FNTA: variants seen among roughly 807,000 people sequenced by gnomAD.
FNTA encodes the protein farnesyltransferase, CAAX box, subunit alpha.
Under a neutral mutation model 55.2 loss-of-function variants are expected in FNTA, and 27 were observed. The ratio of observed to expected loss-of-function variants is 0.49; its 90% CI spans 0.36 to 0.67. FNTA has a LOEUF of 0.67. Among genes scored for constraint, FNTA ranks in the 30% least tolerant of loss-of-function variants. The probability of loss-of-function intolerance (pLI) is 0.00; values close to 1 mark genes in which losing one functional copy is unlikely to be tolerated. For missense variants in FNTA, 422 were observed against 464.7 expected (o/e 0.91, Z 0.85); for synonymous variants, 176 against 170.7 (o/e 1.03, Z -0.24).
intron 4 of FNTA, among the ~76,000 whole-genome samples, chr8:43,071,028 T>C (rs1810776331): frequency 6.6e-6 from 1 of 152,236 alleles, no homozygotes; most frequent in South Asian, 2.1e-4. Flanking sequence ...GGTAGTATCT[T>C]GTCTTAATCT....
intron 3 of FNTA, among the ~76,000 whole-genome samples, chr8:43,065,790 G>A (rs944794508): frequency 6.6e-5 from 10 of 151,222 alleles, no homozygotes; most frequent in Non-Finnish European, 1.5e-4. Context: ...TCTCTTTCTT[G>A]ATTTACTTTC....
intron 5 of FNTA, 71 bp from the exon 6 acceptor site, chr8:43,077,145 T>A: frequency 1.8e-6 from 2 of 1,125,724 alleles, no homozygotes; most frequent in South Asian, 1.7e-5. Flanking sequence ...TTGTTGTAGT[T>A]TTAATTTATT....
intron 6 of FNTA, chr8:43,082,414 TATTTCAG>T (rs1217642243): frequency 6.6e-6 from 1 of 152,254 alleles, no homozygotes; most frequent in Non-Finnish European, 1.5e-5. Flanking sequence ...TAAATTCTCC[TATTTCAG>T]TGACTAGGGA....
chr8:43,083,272 A>G (rs754319187), intron 7 of FNTA, 92 bp downstream of exon 7: 1 of 710,468 alleles, frequency 1.4e-6, no homozygotes, highest in African/African-American at 1.8e-5. Flanking sequence ...TTCCAAAAGG[A>G]TAGTAAATAA....
chr8:43,076,433 T>C (rs568332372), intron 5 of FNTA, among the ~76,000 whole-genome samples: 1 of 152,336 alleles, frequency 6.6e-6, no homozygotes, highest in East Asian at 1.9e-4. Context: ...TGCCTCAGCC[T>C]CCTGAAGCAG....
intron 5 of FNTA, among the ~76,000 whole-genome samples, chr8:43,072,553 C>T (rs1810815874): frequency 6.6e-6 from 1 of 151,800 alleles, no homozygotes; most frequent in Admixed American, 6.6e-5. Context: ...AAGTGAGACC[C>T]CCGTCTCTAC....
intron 2 of FNTA, among the ~76,000 whole-genome samples, chr8:43,059,398 C>T (rs1810482591): frequency 6.6e-6 from 1 of 151,982 alleles, no homozygotes; most frequent in Non-Finnish European, 1.5e-5. Flanking sequence ...AAATAATAAA[C>T]GTTACAGTAT....
chr8:43,066,816 T>A (rs1438757688), intron 3 of FNTA, among the ~76,000 whole-genome samples: 7 of 152,124 alleles, frequency 4.6e-5, no homozygotes, highest in African/African-American at 1.7e-4. Flanking sequence ...GTGGCTGTGT[T>A]GTAGTGAAAT....
At chr8:43,081,982 C>G (rs577245183) in intron 6 of FNTA, 1 of 151,916 alleles carries the variant, frequency 6.6e-6, no homozygotes, top group Non-Finnish European at 1.5e-5. Context: ...CTAAGACCTG[C>G]GGGGACATGG....
intron 5 of FNTA, among the ~76,000 whole-genome samples, chr8:43,074,435 G>GA (rs1355506275): frequency 6.6e-6 from 1 of 152,188 alleles, no homozygotes; most frequent in Non-Finnish European, 1.5e-5. Flanking sequence ...TGAGGCAGGA[G>GA]AATCACTTGA....
At chr8:43,068,459 GT>G (rs904612128) in intron 3 of FNTA, among the ~76,000 whole-genome samples, 3 of 152,110 alleles carry the variant, frequency 2.0e-5, no homozygotes, top group Admixed American at 2.0e-4. Flanking sequence ...AGACAAACTT[GT>G]TTCATTTACA....
rs765592745 is a variant in FNTA at position 43,059,219 on chromosome 8, T to C, written c.286+42T>C. 3 of 1,385,316 alleles carry C rather than the reference T, an allele frequency of 2.2e-6. No individual in the cohort carries two copies. The African/African-American group carries it at 4.3e-5, about 20-fold the overall frequency. The allele number at this position is 1,385,316 out of a possible 1,614,324, so 85.8% of individuals were successfully genotyped here. On this transcript the variant is annotated intron_variant, in intron 2 of 8. Coordinates refer to ENST00000302279, the MANE Select transcript of FNTA (RefSeq NM_002027.3). ...TAGGAAAAGGTCTGTAAGTTAAATA[T>C]AGTAGCAGAATTGGAATTCACAACT...
intron 5 of FNTA, among the ~76,000 whole-genome samples, chr8:43,074,757 A>G (rs937041135): frequency 1.3e-5 from 2 of 152,116 alleles, no homozygotes; most frequent in Non-Finnish European, 2.9e-5. Context: ...AGGGTGAGGG[A>G]AAAGGGGGTA....
chr8:43,064,110 T>C lies in FNTA; in HGVS notation c.296T>C (p.Val99Ala). 6.2e-7 allele frequency: 1 copy of C among 1,610,434 alleles called. No homozygotes were observed. The highest frequency in any genetic ancestry group is 1.1e-5 in the South Asian group (1 of 90,854). The change falls in exon 3 of 9, where the codon GTT becomes GCT. Residue 99 changes from valine to alanine, a missense_variant. Coordinates refer to ENST00000302279, the MANE Select transcript of FNTA (RefSeq NM_002027.3). ...QIIYSDKFRD[V>A]YDYFRAVLQR... ...TGTGCTCTATCTCTAGTTAGAGATG[T>C]TTATGATTACTTCCGAGCTGTCCTG...
Position 43,083,189 on chromosome 8 carries a change from T to C in FNTA, c.845+9T>C, listed in dbSNP as rs1274549270. 4 of 1,550,952 alleles carry C rather than the reference T, an allele frequency of 2.6e-6. No homozygotes were observed. The highest frequency in any genetic ancestry group is 3.5e-6 in the Non-Finnish European group (4 of 1,145,976). On this transcript the variant is annotated intron_variant, in intron 7 of 8. Transcript: ENST00000302279. Reference sequence around the variant, plus strand: ...TGGAACTATTTGAAAGGGTAAGAGGTTGTTTTTGCTTTTTTTATATATAAA... The same window carrying C: ...TGGAACTATTTGAAAGGGTAAGAGGCTGTTTTTGCTTTTTTTATATATAAA...
At chr8:43,084,605 CTCCTT>C in intron 7 of FNTA, 100 bp from the exon 8 acceptor site, 3 of 812,320 alleles carry the variant, frequency 3.7e-6, no homozygotes, top group Admixed American at 5.7e-5. Flanking sequence ...CAAAATAACT[CTCCTT>C]TTCTTGTTTG....
At chr8:43,084,167 AC>A (rs1811079576) in intron 7 of FNTA, among the ~76,000 whole-genome samples, 1 of 149,882 alleles carries the variant, frequency 6.7e-6, no homozygotes, top group South Asian at 2.1e-4. Context: ...ATAAATGAAC[AC>A]TTTTAAACTT....
intron 3 of FNTA, among the ~76,000 whole-genome samples, chr8:43,064,582 T>C (rs999548623): frequency 5.9e-5 from 9 of 152,114 alleles, no homozygotes; most frequent in Non-Finnish European, 8.8e-5. Context: ...CCTAAAGTGT[T>C]TGGATTGCAG....
At chr8:43,066,074 T>A (rs1021958263) in intron 3 of FNTA, among the ~76,000 whole-genome samples, 3 of 151,334 alleles carry the variant, frequency 2.0e-5, no homozygotes, top group Admixed American at 2.0e-4. Flanking sequence ...TCCTCTGTTT[T>A]CTTTTTCTGG....
Sources: allele counts gnomAD v4.1 joint callset (sites outside exome capture counted in the v4.1 genomes callset), GRCh38; gene constraint gnomAD v4.1.1; transcripts MANE v1.5; gene names NCBI Gene and HGNC (gene_info 2026-07-23, HGNC 2026-07-21).